The following NOX5 variants were observed in gnomAD, a reference collection of about 807,000 sequenced individuals.
NOX5 encodes the protein NADPH oxidase 5.
A neutral mutation model predicts 85.7 loss-of-function variants in NOX5; 76 were observed. The observed-to-expected ratio is 0.89, with a 90% CI of 0.74 to 1.07. The LOEUF (loss-of-function observed/expected upper bound fraction) is 1.07, where lower values mean the gene tolerates loss of function less well. Ranked by LOEUF, NOX5 falls within the 50% of genes least tolerant of loss-of-function variation. The probability of loss-of-function intolerance (pLI) is 0.00; values close to 1 mark genes in which losing one functional copy is unlikely to be tolerated. For missense variants in NOX5, 973 were observed against 999.5 expected, an observed-to-expected ratio of 0.97 and a Z score of 0.36; for synonymous variants, 405 against 401.4, an observed-to-expected ratio of 1.01 and a Z score of -0.11.
At position 69,033,094 on chromosome 15, in the gene NOX5, G is replaced by C. The variant is rs762614843; in HGVS notation, c.672G>C (p.Pro224=). Residue 224 remains proline (P), a synonymous_variant, in exon 5 of 16, where the codon CCG becomes CCC. Transcript: ENST00000388866. ...APAPRPRPRR[P]RQLTRAYWHN... is the part of the protein sequence containing the mutation. ...CCCCCCGCCCACGCCCGCGCCGGCC[G>C]CGCCAGCTGACCCGCGCCTACTGGC... The C allele has an allele frequency of 6.4e-7, 1 of 1,553,730 alleles. No homozygotes were observed. The highest frequency in any genetic ancestry group is 8.6e-7 in the Non-Finnish European group (1 of 1,157,566).
rs1240810973 is a variant in NOX5, at chr15:69,042,806, G to A, written c.1647+1G>A. 1.2e-6 allele frequency: 2 copies of A among 1,613,150 alleles called. No homozygotes were observed. The highest frequency in any genetic ancestry group is 1.7e-5 in the Admixed American group (1 of 59,962). On this transcript the variant is annotated splice_donor_variant, in intron 10 of 15. Transcript: ENST00000388866. LOFTEE classifies it high-confidence loss of function. ...GAGAAAGAGTCAAAGGTCGTCCAAG[G>A]TAGGTGGCTACTGGAGGGAAGGGGT...
intron 3 of NOX5, chr15:69,028,711 A>G (rs1003230518): frequency 4.0e-5 from 7 of 174,466 alleles, no homozygotes; most frequent in African/African-American, 1.4e-4. Context: ...CCTTTTCCTC[A>G]TAGTATAAGC....
intron 5 of NOX5, among the ~76,000 whole-genome samples, chr15:69,034,321 A>G (rs1248006754): frequency 1.3e-5 from 2 of 152,198 alleles, no homozygotes; most frequent in Non-Finnish European, 2.9e-5. Flanking sequence ...CGATACATGC[A>G]ATGTGTAATA....
chr15:69,023,415 C>G, intron 1 of NOX5: 1 of 396,074 alleles, frequency 2.5e-6, no homozygotes, highest in Non-Finnish European at 4.9e-6. Context: ...GTAATTGTCA[C>G]AACCATACTG....
At chr15:69,033,414 C>G in intron 5 of NOX5, 137 bp downstream of exon 5, 1 of 995,232 alleles carries the variant, frequency 1.0e-6, no homozygotes, top group Non-Finnish European at 1.5e-6. Flanking sequence ...TGGGCCAACG[C>G]TCAGAGTTGG....
At chr15:69,022,842 C>T (rs1166567232) in intron 1 of NOX5, 1 of 319,586 alleles carries the variant, frequency 3.1e-6, no homozygotes, top group Non-Finnish European at 6.2e-6. Flanking sequence ...CATCTTGTTC[C>T]TGGATGAGCC....
At chr15:69,052,173 G>A (rs1424902618) in intron 14 of NOX5, among the ~76,000 whole-genome samples, 2 of 150,948 alleles carry the variant, frequency 1.3e-5, no homozygotes, top group African/African-American at 4.9e-5. Flanking sequence ...AGCCATGATA[G>A]CCCTACTGCA....
intron 4 of NOX5, 66 bp downstream of exon 4, chr15:69,031,878 C>T: frequency 1.4e-6 from 2 of 1,479,152 alleles, no homozygotes; most frequent in Non-Finnish European, 1.8e-6. Context: ...GGAAGTGTGG[C>T]AGGAACTCAC....
Position 69,014,767 on chromosome 15 carries a change from G to A in NOX5, c.32G>A (p.Gly11Asp), listed in dbSNP as rs149411998. Residue 11 changes from glycine to aspartate, a missense_variant, in exon 1 of 16, where the codon GGC (glycine) becomes GAC (aspartate). Physicochemically the swap from Gly to Asp is moderately conservative, Grantham distance 94 (BLOSUM62 -1). Transcript: ENST00000388866. Reference protein sequence around the residue: MNTSGDPAQTGPEGCRGTMSA... With the variant: MNTSGDPAQTDPEGCRGTMSA... Reference sequence around the variant, plus strand: ...ACATCTGGAGACCCAGCCCAGACGGGCCCTGAAGGCTGTAGAGGGTGAGTG... The same window carrying A: ...ACATCTGGAGACCCAGCCCAGACGGACCCTGAAGGCTGTAGAGGGTGAGTG... 2.5e-5 allele frequency: 39 copies of A among 1,550,264 alleles called. No homozygotes were observed. The South Asian group carries it at 4.5e-4, about 18-fold the overall frequency.
chr15:69,055,511 C>T lies in NOX5; in HGVS notation c.2166+11C>T. 1 of 1,612,252 alleles carries T rather than the reference C, an allele frequency of 6.2e-7. No individual in the cohort carries two copies. Among genetic ancestry groups the T allele is most frequent in the South Asian group, 1.1e-5 (1 of 90,960 alleles). On this transcript the variant is annotated intron_variant, in intron 15 of 15. Coordinates refer to ENST00000388866, the MANE Select transcript of NOX5 (RefSeq NM_024505.4). The stretch of plus-strand genomic sequence containing the variant: ...CCTGACTGGAGCAAGGTAATGCCAA[C>T]TGGAGCCCTGCAGCTTGCAGGTATG...
In NOX5 at chr15:69,056,665, T is replaced by C; in HGVS notation, c.2267T>C (p.Phe756Ser). 1.6e-5 allele frequency: 26 copies of C among 1,613,850 alleles called. No homozygotes were observed. The highest frequency in any genetic ancestry group is 2.2e-5 in the Non-Finnish European group (26 of 1,180,032). ...GTGCTGAAGGGCCATTGTGAGAAGT[T>C]CGGCTTCAGATTTTTCCAAGAGAAT... ...AKVLKGHCEK[F>S]GFRFFQENF Residue 756 changes from phenylalanine to serine, a missense_variant, in exon 16 of 16, where the codon TTC (phenylalanine) becomes TCC (serine). Transcript: ENST00000388866.
At chr15:69,017,262 A>T (rs897438456) in intron 1 of NOX5, among the ~76,000 whole-genome samples, 1 of 151,860 alleles carries the variant, frequency 6.6e-6, no homozygotes, top group Non-Finnish European at 1.5e-5. Flanking sequence ...AGCAGTTCTC[A>T]TGCCTCAGCC....
At chr15:69,016,527 G>A (rs558148091) in intron 1 of NOX5, among the ~76,000 whole-genome samples, 1 of 152,322 alleles carries the variant, frequency 6.6e-6, no homozygotes, top group South Asian at 2.1e-4. Context: ...AGTCAATGCA[G>A]GGGCCCTGAG....
chr15:69,032,864 A>G (rs1389206945), intron 4 of NOX5, among the ~76,000 whole-genome samples, 179 bp from the exon 5 acceptor site: 1 of 152,214 alleles, frequency 6.6e-6, no homozygotes, highest in African/African-American at 2.4e-5. Flanking sequence ...GTCCCCTTTC[A>G]GCTCCGCGGA....
At chr15:69,043,912 A>C (rs2050628938) in intron 10 of NOX5, among the ~76,000 whole-genome samples, 1 of 152,174 alleles carries the variant, frequency 6.6e-6, no homozygotes. Flanking sequence ...GGGGCCGGGC[A>C]CGGTGGCTCA....
chr15:69,034,987 A>C (rs772083273), intron 5 of NOX5, among the ~76,000 whole-genome samples: 1 of 152,078 alleles, frequency 6.6e-6, no homozygotes, highest in African/African-American at 2.4e-5. Context: ...GCTGGTCTCA[A>C]ACTCCTAGGC....
intron 1 of NOX5, among the ~76,000 whole-genome samples, chr15:69,020,103 T>A (rs1420654057): frequency 1.3e-5 from 2 of 152,228 alleles, no homozygotes; most frequent in Non-Finnish European, 2.9e-5. Context: ...CCTATAGGAC[T>A]TCTATGTTAA....
In NOX5 at chr15:69,032,225, C is replaced by T. The variant is rs572293608; in HGVS notation, c.620+413C>T. Among the ~76,000 whole-genome samples, 207 of 152,258 alleles carry T rather than the reference C, an allele frequency of 1.4e-3. 3 individuals carry two copies. The Middle Eastern group carries it at 0.014, about 10-fold the overall frequency. ...ATTAATGCAGTGAATGAGGTCTCCA[C>T]CCTGCTGGGGCTCCATTCCAGACGA... On this transcript the variant is annotated intron_variant, in intron 4 of 15. Coordinates refer to ENST00000388866, the MANE Select transcript of NOX5 (RefSeq NM_024505.4).
chr15:69,055,278 C>T, intron 14 of NOX5, 56 bp from the exon 15 acceptor site: 1 of 1,573,154 alleles, frequency 6.4e-7, no homozygotes, highest in Non-Finnish European at 8.7e-7. Flanking sequence ...GCATCCTGCC[C>T]TGCGCCCATG....
Sources: gnomAD v4.1 joint callset for allele counts (sites outside exome capture counted in the v4.1 genomes callset) on GRCh38, gnomAD v4.1.1 for gene constraint, MANE v1.5 for transcripts, NCBI Gene and HGNC (gene_info 2026-07-23, HGNC 2026-07-21) for gene names.